ABCA13: variants seen among roughly 807,000 people sequenced by gnomAD.
ABCA13 encodes the protein ATP-binding cassette sub-family A member 13.
ABCA13 carries 476 observed loss-of-function variants against 478.7 expected under a neutral mutation model. That is an observed-to-expected ratio of 0.99 (90% CI 0.92 to 1.07). ABCA13 has a LOEUF of 1.07. Among genes scored for constraint, ABCA13 ranks in the 50% least tolerant of loss-of-function variants. The probability of loss-of-function intolerance (pLI) is 0.00; values close to 1 mark genes in which losing one functional copy is unlikely to be tolerated. For synonymous variants in ABCA13, 2,252 were observed against 2,158.9 expected, an observed-to-expected ratio of 1.04 and a Z score of -1.20; for missense variants, 6,060 against 5,910.6, an observed-to-expected ratio of 1.03 and a Z score of -0.83.
At chr7:48,187,777 C>T (rs550506151) in intron 1 of ABCA13, among the ~76,000 whole-genome samples, 1 of 151,702 alleles carries the variant, frequency 6.6e-6, no homozygotes, top group Admixed American at 6.6e-5. Context: ...TTTCTGAGCC[C>T]TTGTTTTCTG....
intron 29 of ABCA13, among the ~76,000 whole-genome samples, chr7:48,339,598 A>C (rs1329327964): frequency 6.6e-6 from 1 of 152,238 alleles, no homozygotes; most frequent in Non-Finnish European, 1.5e-5. Flanking sequence ...ACATTTGAAT[A>C]GGTTTTCCCA....
chr7:48,487,015 T>C (rs1447210631), intron 47 of ABCA13, among the ~76,000 whole-genome samples: 1 of 152,044 alleles, frequency 6.6e-6, no homozygotes, highest in Non-Finnish European at 1.5e-5. Context: ...AATACAATCA[T>C]GAACAGAAGT....
intron 31 of ABCA13, among the ~76,000 whole-genome samples, chr7:48,363,203 T>C (rs1307183611): frequency 2.0e-5 from 3 of 152,146 alleles, no homozygotes; most frequent in African/African-American, 7.2e-5. Flanking sequence ...GTAAAACTCT[T>C]TGTAGCATTT....
intron 15 of ABCA13, among the ~76,000 whole-genome samples, chr7:48,260,850 T>C (rs1794072227): frequency 6.6e-6 from 1 of 151,972 alleles, no homozygotes; most frequent in South Asian, 2.1e-4. Flanking sequence ...CCTACTCTGC[T>C]TTTCTGTGTT....
chr7:48,644,470 C>T, intron 60 of ABCA13, 147 bp from the exon 61 acceptor site: 1 of 851,488 alleles, frequency 1.2e-6, no homozygotes, highest in Non-Finnish European at 1.8e-6. Context: ...AAATTGTCAT[C>T]AATAAGCATT....
chr7:48,488,833 T>C (rs1354438711), intron 47 of ABCA13, among the ~76,000 whole-genome samples: 2 of 152,184 alleles, frequency 1.3e-5, no homozygotes, highest in African/African-American at 2.4e-5. Flanking sequence ...TAATGTTCCA[T>C]GTTCAGTTAT....
At chr7:48,425,716 A>T (rs1018151728) in intron 41 of ABCA13, among the ~76,000 whole-genome samples, 3 of 128,002 alleles carry the variant, frequency 2.3e-5, no homozygotes, top group Non-Finnish European at 5.3e-5. Flanking sequence ...GCTTGCAACA[A>T]TCCTATAATA....
Position 48,354,779 on chromosome 7 carries a change from C to T in ABCA13, c.10688+2292C>T, listed in dbSNP as rs1809624035. On this transcript the variant is annotated intron_variant, in intron 31 of 61. Transcript: ENST00000435803. ...CTTTTATCTCTTGTTTCGAAGTCTC[C>T]CTTTCTTGAGGGCTTAGAGTACCTG... is the stretch of plus-strand genomic sequence containing the variant. 2.0e-5 allele frequency among the ~76,000 whole-genome samples: 3 copies of T among 152,044 alleles called. No homozygotes were observed. The South Asian group carries it at 6.2e-4, about 32-fold the overall frequency.
chr7:48,528,481 C>A, intron 55 of ABCA13, 136 bp downstream of exon 55: 1 of 608,954 alleles, frequency 1.6e-6, no homozygotes, highest in Non-Finnish European at 2.7e-6. Flanking sequence ...AATTACCACT[C>A]CTCTGATGTG....
At chr7:48,224,012 A>C (rs377357681) in intron 5 of ABCA13, among the ~76,000 whole-genome samples, 2 of 150,258 alleles carry the variant, frequency 1.3e-5, no homozygotes, top group East Asian at 3.9e-4. Context: ...AGGTAAGTGG[A>C]GACAGAGAGT....
At chr7:48,619,599 C>T (rs781282122) in intron 59 of ABCA13, among the ~76,000 whole-genome samples, 1 of 152,096 alleles carries the variant, frequency 6.6e-6, no homozygotes, top group Admixed American at 6.5e-5. Context: ...AGAGTGAGTC[C>T]GGCACATGCC....
At position 48,412,465 on chromosome 7, in the gene ABCA13, A is replaced by G. The variant is rs1317972060; in HGVS notation, c.12341A>G (p.Tyr4114Cys). 3 of 1,613,554 alleles carry G rather than the reference A, an allele frequency of 1.9e-6. No individual in the cohort carries two copies. In the South Asian group the frequency reaches 3.3e-5, roughly 18 times the overall value. The part of the protein sequence containing the change: ...LKDSSGSELT[Y>C]TIPKDTDKAC... ...GACAGCAGTGGAAGTGAGCTGACCT[A>G]CACCATTCCAAAGGACACAGACAAG... Residue 4114 changes from tyrosine to cysteine, a missense_variant, in exon 41 of 62, where the codon TAC becomes TGC. Physicochemically the swap from Tyr to Cys is radical, Grantham distance 194 (BLOSUM62 -2). This residue lies in a region of ABCA13 where 1,627 missense variants were observed against 1,571.0 expected (regional missense o/e 1.04). Transcript: ENST00000435803.
At chr7:48,530,313 T>G (rs1356700592) in intron 55 of ABCA13, among the ~76,000 whole-genome samples, 1 of 151,784 alleles carries the variant, frequency 6.6e-6, no homozygotes, top group African/African-American at 2.4e-5. Flanking sequence ...GGTGTATATA[T>G]ATGTATATAT....
At chr7:48,481,221 T>A in intron 46 of ABCA13, 67 bp downstream of exon 46, 5 of 1,321,768 alleles carry the variant, frequency 3.8e-6, no homozygotes, top group Non-Finnish European at 5.3e-6. Flanking sequence ...TTGTTTTAAA[T>A]GCTAATGTTC....
intron 55 of ABCA13, among the ~76,000 whole-genome samples, chr7:48,535,567 G>C (rs1833513243): frequency 6.6e-6 from 1 of 152,176 alleles, no homozygotes. Flanking sequence ...GGGCCATAGA[G>C]TTCCCAAGAG....
At chr7:48,384,677 T>C (rs190973835) in intron 35 of ABCA13, among the ~76,000 whole-genome samples, 1 of 152,308 alleles carries the variant, frequency 6.6e-6, no homozygotes, top group East Asian at 1.9e-4. Context: ...GCAAGGTTCT[T>C]GGAGGACACC....
intron 58 of ABCA13, among the ~76,000 whole-genome samples, chr7:48,610,392 T>C (rs7801591): frequency 0.1 from 15,421 of 152,180 alleles, 1,287 homozygotes; most frequent in African/African-American, 0.23. Context: ...TGTGGTTCTG[T>C]GGGGCTCGGC....
Position 48,288,051 on chromosome 7 carries a change from G to T in ABCA13, c.8928G>T (p.Gly2976=). 1 of 1,613,940 alleles carries T rather than the reference G, an allele frequency of 6.2e-7. No individual in the cohort carries two copies. Among genetic ancestry groups the T allele is most frequent in the South Asian group, 1.1e-5 (1 of 91,076 alleles). The change falls in exon 20 of 62, where the codon GGG becomes GGT. Residue 2976 remains glycine (G), a synonymous_variant. Transcript: ENST00000435803. ...IRHLILSAIQ[G]VTLAQDHFQE... is the part of the protein sequence containing the mutation. ...ATCTCATTTTATCTGCTATACAAGGGGTCACTTTGGCGCAGGACCACTTCC... is the reference window on the plus strand; with the variant it reads ...ATCTCATTTTATCTGCTATACAAGGTGTCACTTTGGCGCAGGACCACTTCC...
intron 19 of ABCA13, among the ~76,000 whole-genome samples, chr7:48,286,509 TTCC>T (rs1797770201): frequency 6.6e-6 from 1 of 152,010 alleles, no homozygotes; most frequent in Admixed American, 6.6e-5. Context: ...CCTTCCTTCC[TTCC>T]TTCCTTTTTT....
Sources: gnomAD v4.1 joint callset for allele counts (sites outside exome capture counted in the v4.1 genomes callset) on GRCh38, gnomAD v4.1.1 for gene constraint, gnomAD v4.1.1 regional missense constraint, MANE v1.5 for transcripts, NCBI Gene and HGNC (gene_info 2026-07-23, HGNC 2026-07-21) for gene names.